The following SPATA16 variants were observed in gnomAD, a reference collection of about 807,000 sequenced individuals.
SPATA16 encodes spermatogenesis associated 16, also known as spermatogenesis-associated protein 16.
SPATA16 carries 36 observed loss-of-function variants against 63.3 expected under a neutral mutation model. The observed-to-expected ratio is 0.57, with a 90% CI of 0.44 to 0.75. SPATA16 has a LOEUF of 0.75. SPATA16 is among the 30% of genes least tolerant of loss of function. SPATA16 has a pLI of 0.00. For missense variants in SPATA16, 646 were observed against 679.3 expected (o/e 0.95, Z 0.54); for synonymous variants, 203 against 216.7 (o/e 0.94, Z 0.56).
intron 3 of SPATA16, among the ~76,000 whole-genome samples, chr3:173,044,444 G>C (rs1044998551): frequency 1.3e-5 from 2 of 152,048 alleles, no homozygotes; most frequent in African/African-American, 4.8e-5. Context: ...TCTCCATTTG[G>C]TTCTTCCCAT....
At chr3:173,100,660 G>GCACACACA (rs3980195) in intron 2 of SPATA16, among the ~76,000 whole-genome samples, 82 of 134,164 alleles carry the variant, frequency 6.1e-4, no homozygotes, top group Middle Eastern at 3.8e-3. Flanking sequence ...CACATAAACA[G>GCACACACA]CACACACACA....
chr3:172,902,092 C>T (rs552822101), intron 10 of SPATA16, among the ~76,000 whole-genome samples: 90 of 152,284 alleles, frequency 5.9e-4, no homozygotes, highest in African/African-American at 2.0e-3. Flanking sequence ...GGCTGGAGTG[C>T]GGTGACATGA....
At chr3:173,024,588 G>T (rs1735408904) in intron 3 of SPATA16, among the ~76,000 whole-genome samples, 3 of 150,452 alleles carry the variant, frequency 2.0e-5, no homozygotes, top group Admixed American at 1.3e-4. Flanking sequence ...TTGAGAAAGT[G>T]AATAATAAAA....
rs1732485119 is a variant in SPATA16, at chr3:172,916,337, T to G, written c.1483A>C (p.Ser495Arg). ...CTTACCAATTCTGCCTCCTGTTGAC[T>G]GATGTCCTGTAGGTAGGGAATGGTT... ...LATIPYLQDI[S>R]QQEAELLQSL... Residue 495 changes from serine (S) to arginine (R), a missense_variant, in exon 9 of 11, where the codon AGT (serine) becomes CGT (arginine). By Grantham distance (110) the Ser-to-Arg change is moderately radical. Coordinates refer to ENST00000351008, the MANE Select transcript of SPATA16 (RefSeq NM_031955.6). The G allele has an allele frequency of 3.1e-6, 5 of 1,613,524 alleles. No homozygotes were observed. Among genetic ancestry groups the G allele is most frequent in the Admixed American group, 1.7e-5 (1 of 59,978 alleles).
intron 2 of SPATA16, among the ~76,000 whole-genome samples, chr3:173,116,838 C>T (rs902891363): frequency 6.6e-6 from 1 of 152,164 alleles, no homozygotes; most frequent in African/African-American, 2.4e-5. Flanking sequence ...AAAGCAACTG[C>T]ATTTTAAAAA....
chr3:172,948,696 G>T (rs1733355900), intron 6 of SPATA16, among the ~76,000 whole-genome samples: 1 of 152,038 alleles, frequency 6.6e-6, no homozygotes, highest in Admixed American at 6.6e-5. Context: ...TTGAACTCCT[G>T]GGTTCAAGTG....
intron 10 of SPATA16, among the ~76,000 whole-genome samples, chr3:172,905,421 A>T (rs1386135745): frequency 2.0e-5 from 3 of 152,172 alleles, no homozygotes; most frequent in Non-Finnish European, 4.4e-5. Flanking sequence ...TCTCTCTCAG[A>T]AGAGTTTCTG....
chr3:172,953,755 A>G (rs914962633), intron 6 of SPATA16, among the ~76,000 whole-genome samples: 1 of 152,204 alleles, frequency 6.6e-6, no homozygotes, highest in African/African-American at 2.4e-5. Context: ...GACACAGGGT[A>G]TGCTTGAGCT....
chr3:173,029,412 T>TTTTG (rs1393925450), intron 3 of SPATA16, among the ~76,000 whole-genome samples: 5 of 147,330 alleles, frequency 3.4e-5, no homozygotes, highest in African/African-American at 1.2e-4. Context: ...CAGAGTTTTT[T>TTTTG]TTTTGTTTGT....
intron 4 of SPATA16, among the ~76,000 whole-genome samples, chr3:173,007,554 A>G (rs1340834051): frequency 6.6e-6 from 1 of 152,224 alleles, no homozygotes; most frequent in Non-Finnish European, 1.5e-5. Context: ...GTAATATAAA[A>G]TAGCTTTGAA....
intron 5 of SPATA16, among the ~76,000 whole-genome samples, chr3:172,974,381 C>G (rs1477932011): frequency 6.6e-6 from 1 of 151,930 alleles, no homozygotes; most frequent in African/African-American, 2.4e-5. Context: ...AGTCTCTAGT[C>G]TGTGATGTTT....
intron 2 of SPATA16, among the ~76,000 whole-genome samples, chr3:173,113,724 A>T (rs996261519): frequency 1.3e-5 from 2 of 152,222 alleles, no homozygotes; most frequent in Non-Finnish European, 2.9e-5. Context: ...GGTTTATTAG[A>T]TGCATTGGAA....
intron 4 of SPATA16, among the ~76,000 whole-genome samples, chr3:173,009,097 T>C (rs1735002713): frequency 6.6e-6 from 1 of 152,160 alleles, no homozygotes; most frequent in Non-Finnish European, 1.5e-5. Context: ...TTCTGCACTT[T>C]AAAAAAACTG....
intron 3 of SPATA16, among the ~76,000 whole-genome samples, chr3:173,043,519 A>G (rs533777657): frequency 6.6e-6 from 1 of 152,096 alleles, no homozygotes; most frequent in South Asian, 2.1e-4. Flanking sequence ...TATAATAAAA[A>G]TGCTATCATT....
intron 8 of SPATA16, among the ~76,000 whole-genome samples, chr3:172,918,187 G>A (rs1397645717): frequency 6.6e-6 from 1 of 152,176 alleles, no homozygotes; most frequent in African/African-American, 2.4e-5. Context: ...AAGCAAGTTG[G>A]AGGAGAAACG....
intron 5 of SPATA16, among the ~76,000 whole-genome samples, chr3:172,961,995 G>A (rs541059515): frequency 5.3e-4 from 80 of 152,196 alleles, no homozygotes; most frequent in Middle Eastern, 3.4e-3. Flanking sequence ...CCTCACGCCT[G>A]TAATCCCAGC....
At chr3:173,120,556 G>C (rs913616245) in intron 1 of SPATA16, among the ~76,000 whole-genome samples, 1 of 152,174 alleles carries the variant, frequency 6.6e-6, no homozygotes, top group African/African-American at 2.4e-5. Context: ...AATATCTGTA[G>C]TTGATTGTCA....
At chr3:173,115,103 G>T (rs1280219930) in intron 2 of SPATA16, among the ~76,000 whole-genome samples, 5 of 152,162 alleles carry the variant, frequency 3.3e-5, no homozygotes, top group Non-Finnish European at 7.3e-5. Context: ...AGAGGTAGCG[G>T]GGAAGGAGAG....
chr3:173,108,726 C>T (rs1490495882), intron 2 of SPATA16, among the ~76,000 whole-genome samples: 2 of 152,182 alleles, frequency 1.3e-5, no homozygotes, highest in Non-Finnish European at 2.9e-5. Context: ...CAGCCCTATA[C>T]AGGTGTACCA....
Sources: gnomAD v4.1 joint callset for allele counts (sites outside exome capture counted in the v4.1 genomes callset) on GRCh38, gnomAD v4.1.1 for gene constraint, MANE v1.5 for transcripts, NCBI Gene and HGNC (gene_info 2026-07-23, HGNC 2026-07-21) for gene names.